The following SDCCAG8 variants were observed in gnomAD, a reference collection of about 807,000 sequenced individuals.
The protein encoded by SDCCAG8 is SHH signaling and ciliogenesis regulator SDCCAG8.
SDCCAG8 carries 74 observed loss-of-function variants against 101.8 expected under a neutral mutation model. That is an observed-to-expected ratio of 0.73 (90% CI 0.60 to 0.88). The LOEUF is 0.88. SDCCAG8 is among the 40% of genes least tolerant of loss of function. The pLI is 0.00. For synonymous variants in SDCCAG8, 281 were observed against 292.9 expected, an observed-to-expected ratio of 0.96 and a Z score of 0.41; for missense variants, 787 against 822.6, an observed-to-expected ratio of 0.96 and a Z score of 0.53.
intron 6 of SDCCAG8, among the ~76,000 whole-genome samples, chr1:243,299,303 C>G (rs1302229579): frequency 2.0e-5 from 3 of 152,156 alleles, no homozygotes; most frequent in Non-Finnish European, 4.4e-5. Context: ...TCTTTTCCCT[C>G]CTTTTACTTT....
chr1:243,429,987 A>AT (rs1298331225), intron 16 of SDCCAG8, among the ~76,000 whole-genome samples: 1 of 151,934 alleles, frequency 6.6e-6, no homozygotes, highest in East Asian at 1.9e-4. Context: ...ATGAGCCACC[A>AT]TGCCTGGCCT....
At chr1:243,392,316 G>A (rs2078752855) in intron 13 of SDCCAG8, among the ~76,000 whole-genome samples, 1 of 152,180 alleles carries the variant, frequency 6.6e-6, no homozygotes, top group Non-Finnish European at 1.5e-5. Context: ...TTGGGGCACA[G>A]AGTAATATAT....
At chr1:243,296,535 CTTTTTTT>C (rs756242066) in intron 6 of SDCCAG8, among the ~76,000 whole-genome samples, 47 of 57,948 alleles carry the variant, frequency 8.1e-4, no homozygotes, top group Non-Finnish European at 9.7e-4. Context: ...CCCAACTGCT[CTTTTTTT>C]TTTTTTTTTT....
intron 8 of SDCCAG8, among the ~76,000 whole-genome samples, chr1:243,311,209 T>C (rs906076836): frequency 1.3e-5 from 2 of 152,218 alleles, no homozygotes; most frequent in African/African-American, 4.8e-5. Context: ...AGATAAACTA[T>C]GTCATTTTGT....
intron 1 of SDCCAG8, among the ~76,000 whole-genome samples, chr1:243,261,777 A>G (rs1043187294): frequency 6.6e-6 from 1 of 152,136 alleles, no homozygotes; most frequent in Non-Finnish European, 1.5e-5. Flanking sequence ...ACACACATAA[A>G]CATGAGGGGT....
chr1:243,263,141 G>T (rs2067316982), intron 1 of SDCCAG8, among the ~76,000 whole-genome samples: 2 of 152,188 alleles, frequency 1.3e-5, no homozygotes, highest in South Asian at 4.1e-4. Flanking sequence ...TGGTCAGAGT[G>T]ATAGCAAGTC....
rs2066631099 is a variant in SDCCAG8 at position 243,256,114 on chromosome 1, G to GT, written c.-60_-59insT. ...CCCGGCCACAGGCCTGTTGTTCTCG[G>GT]AAGGGAGAAAGCTGGACATTTCCCC... is the stretch of plus-strand genomic sequence containing the variant. On this transcript the variant is annotated 5_prime_UTR_variant, in exon 1 of 18. Coordinates refer to ENST00000366541, the MANE Select transcript of SDCCAG8 (RefSeq NM_006642.5). 47 of 1,525,696 alleles carry GT rather than the reference G, an allele frequency of 3.1e-5. No individual in the cohort carries two copies. Among genetic ancestry groups the GT allele is most frequent in the Non-Finnish European group, 4.2e-5 (46 of 1,099,372 alleles). The allele number at this position is 1,525,696 out of a possible 1,614,324, so 94.5% of individuals were successfully genotyped here.
intron 9 of SDCCAG8, 46 bp downstream of exon 9, chr1:243,316,939 C>G: frequency 6.4e-7 from 1 of 1,554,096 alleles, no homozygotes; most frequent in Non-Finnish European, 8.8e-7. Context: ...TTTTTTTTTT[C>G]TTTTTTCTTC....
chr1:243,365,733 CT>C (rs2076957532), intron 12 of SDCCAG8, among the ~76,000 whole-genome samples: 1 of 152,118 alleles, frequency 6.6e-6, no homozygotes, highest in Non-Finnish European at 1.5e-5. Flanking sequence ...TAGTAGCAGA[CT>C]AATTATCCAG....
intron 13 of SDCCAG8, among the ~76,000 whole-genome samples, chr1:243,409,785 A>T (rs1320545668): frequency 1.3e-5 from 2 of 152,230 alleles, no homozygotes; most frequent in Non-Finnish European, 2.9e-5. Flanking sequence ...GCTGATATTA[A>T]TGAATTAATA....
rs1385917707 is a variant in SDCCAG8, at chr1:243,416,309, T to C, written c.1744+480T>C. ...AAAGCCTAATGAGTTTGCTTCAGCATCCAAACTGGAGAAAAGCTTTAGCCA... is the reference window on the plus strand; with the variant it reads ...AAAGCCTAATGAGTTTGCTTCAGCACCCAAACTGGAGAAAAGCTTTAGCCA... On this transcript the variant is annotated intron_variant, in intron 14 of 17. Coordinates refer to ENST00000366541, the MANE Select transcript of SDCCAG8 (RefSeq NM_006642.5). The surrounding 1 kb of genome is among the most constrained non-coding windows in gnomAD (Gnocchi z 4.3). Among the ~76,000 whole-genome samples, 2 of 152,222 alleles carry C rather than the reference T, an allele frequency of 1.3e-5. No homozygotes were observed. The highest frequency in any genetic ancestry group is 1.3e-4 in the Admixed American group (2 of 15,282).
chr1:243,488,966 A>C, intron 16 of SDCCAG8, 48 bp from the exon 17 acceptor site: 1 of 1,612,748 alleles, frequency 6.2e-7, no homozygotes, highest in Non-Finnish European at 8.5e-7. Context: ...GGGCCTGTTG[A>C]AAGGCTGACG....
chr1:243,307,475 G>T, intron 7 of SDCCAG8: 1 of 983,570 alleles, frequency 1.0e-6, no homozygotes, highest in Non-Finnish European at 1.2e-6. Flanking sequence ...GAAGAAAAAT[G>T]GGCAGTAATA....
At chr1:243,339,285 T>C (rs1347704323) in intron 10 of SDCCAG8, among the ~76,000 whole-genome samples, 1 of 152,224 alleles carries the variant, frequency 6.6e-6, no homozygotes, top group African/African-American at 2.4e-5. Flanking sequence ...CAATGTTGTT[T>C]ACCATCAGTT....
chr1:243,306,814 T>G (rs775327016), intron 7 of SDCCAG8, among the ~76,000 whole-genome samples: 3 of 150,816 alleles, frequency 2.0e-5, no homozygotes, highest in South Asian at 2.1e-4. Flanking sequence ...CATTCCAAAG[T>G]TTTTTTTTAA....
chr1:243,379,342 A>G (rs1281343529), intron 13 of SDCCAG8, among the ~76,000 whole-genome samples: 1 of 152,242 alleles, frequency 6.6e-6, no homozygotes, highest in African/African-American at 2.4e-5. Flanking sequence ...TTTTGAGATG[A>G]AATAGATTGG....
intron 15 of SDCCAG8, among the ~76,000 whole-genome samples, chr1:243,418,909 CTGTG>C (rs2080792289): frequency 6.6e-6 from 1 of 152,070 alleles, no homozygotes; most frequent in African/African-American, 2.4e-5. Flanking sequence ...AAAAAATTGC[CTGTG>C]TGTCTTCTTT....
chr1:243,280,954 C>T (rs1028589807), intron 4 of SDCCAG8, among the ~76,000 whole-genome samples: 22 of 151,964 alleles, frequency 1.4e-4, no homozygotes, highest in Non-Finnish European at 3.1e-4. Flanking sequence ...TCAATTGTGC[C>T]CTTTGTGATT....
chr1:243,442,334 G>A (rs1020048279), intron 16 of SDCCAG8, among the ~76,000 whole-genome samples: 1 of 152,222 alleles, frequency 6.6e-6, no homozygotes, highest in East Asian at 1.9e-4. Context: ...GGCTAAGGTC[G>A]GCTCTTGCCT....
Sources: gnomAD v4.1 joint callset for allele counts (sites outside exome capture counted in the v4.1 genomes callset) on GRCh38, gnomAD v4.1.1 for gene constraint, Gnocchi (gnomAD v3.1) non-coding constraint, MANE v1.5 for transcripts, NCBI Gene and HGNC (gene_info 2026-07-23, HGNC 2026-07-21) for gene names.